The following DOCK1 variants were observed in gnomAD, a reference collection of about 807,000 sequenced individuals.
The protein encoded by DOCK1 is dedicator of cytokinesis 1.
In DOCK1, 138 loss-of-function variants were observed where a neutral mutation model predicts 262.7. That is an observed-to-expected ratio of 0.53 (90% CI 0.46 to 0.61). The LOEUF is 0.61. Among genes scored for constraint, DOCK1 ranks in the 20% least tolerant of loss-of-function variants. The pLI, the probability that DOCK1 is intolerant of heterozygous loss-of-function variation, is 0.00. For synonymous variants in DOCK1, 866 were observed against 867.4 expected (o/e 1.00, Z 0.03); for missense variants, 1,908 against 2,370.7 (o/e 0.80, Z 4.05).
chr10:127,436,739 G>A (rs566632440), intron 48 of DOCK1, among the ~76,000 whole-genome samples: 4 of 151,200 alleles, frequency 2.6e-5, no homozygotes, highest in Admixed American at 6.6e-5. Context: ...ACCATAACTC[G>A]GTTATATTAT....
chr10:127,005,113 G>T (rs937033760), intron 10 of DOCK1, among the ~76,000 whole-genome samples: 2 of 151,954 alleles, frequency 1.3e-5, no homozygotes, highest in Non-Finnish European at 2.9e-5. Flanking sequence ...AAAGTGGGTG[G>T]ATTGCTTGAG....
intron 1 of DOCK1, among the ~76,000 whole-genome samples, chr10:126,932,851 G>A (rs1455586611): frequency 6.6e-6 from 1 of 152,108 alleles, no homozygotes; most frequent in Non-Finnish European, 1.5e-5. Context: ...CCTCACCGCA[G>A]GTGCCCAGAG....
Position 126,996,871 on chromosome 10 carries a change from A to G in DOCK1, c.597A>G (p.Leu199=), listed in dbSNP as rs191930274. The G allele has an allele frequency of 1.3e-6, 2 of 1,597,062 alleles. No individual in the cohort carries two copies. The highest frequency in any genetic ancestry group is 4.6e-5 in the East Asian group (2 of 43,772). The change falls in exon 7 of 52, where the codon TTA becomes TTG. Residue 199 remains leucine, a synonymous_variant. Coordinates refer to ENST00000623213, the MANE Select transcript of DOCK1 (RefSeq NM_001290223.2). ...CTTCTAAACAAGTGGAGGAAAGGTTACAAGAGGAAAAAGTAAGTTTGACTC... is the reference window on the plus strand; with the variant it reads ...CTTCTAAACAAGTGGAGGAAAGGTTGCAAGAGGAAAAAGTAAGTTTGACTC... ...EIASKQVEER[L]QEEKSQKQNI... is the part of the protein sequence containing the mutation.
intron 10 of DOCK1, among the ~76,000 whole-genome samples, chr10:127,002,567 C>T (rs1480500456): frequency 1.3e-5 from 2 of 152,106 alleles, no homozygotes; most frequent in African/African-American, 4.8e-5. Flanking sequence ...TTGGTGGGGT[C>T]TAGAGTTAGG....
intron 44 of DOCK1, among the ~76,000 whole-genome samples, chr10:127,417,623 C>G (rs1245673897): frequency 2.0e-5 from 3 of 152,164 alleles, no homozygotes; most frequent in Non-Finnish European, 2.9e-5. Flanking sequence ...GTTGCCCAGC[C>G]TGAATACAGT....
In DOCK1 at chr10:127,175,782, C is replaced by G; in HGVS notation, c.2847+48018C>G. ...AGTGGAGTTTTGGAGCGCAGCTTCTCCATAGCTGAGCGGCTCCGGGCTTTT... is the reference window on the plus strand; with the variant it reads ...AGTGGAGTTTTGGAGCGCAGCTTCTGCATAGCTGAGCGGCTCCGGGCTTTT... On this transcript the variant is annotated intron_variant, in intron 27 of 51. Transcript: ENST00000623213. This position sits in a 1 kb window ranked among gnomAD's most constrained non-coding sequence, Gnocchi z 6.3. 1 of 1,614,100 alleles carries G rather than the reference C, an allele frequency of 6.2e-7. No homozygotes were observed. Among genetic ancestry groups the G allele is most frequent in the Non-Finnish European group, 8.5e-7 (1 of 1,180,014 alleles).
intron 27 of DOCK1, chr10:127,135,617 C>A (rs2050624184): frequency 6.6e-6 from 1 of 152,620 alleles, no homozygotes; most frequent in South Asian, 2.1e-4. Context: ...TGACGTGTTG[C>A]AATTAAACTA....
rs1283903934 is a variant in DOCK1 at position 127,398,691 on chromosome 10, G to T, written c.3928-4364G>T. Among the ~76,000 whole-genome samples the T allele has an allele frequency of 2.6e-5, 4 of 152,328 alleles. No individual in the cohort carries two copies. The East Asian group carries it at 7.7e-4, about 29-fold the overall frequency. On this transcript the variant is annotated intron_variant, in intron 38 of 51. Coordinates refer to ENST00000623213, the MANE Select transcript of DOCK1 (RefSeq NM_001290223.2). ...GTCTGAAATTCAAGCATCCTGTGAG[G>T]TATCTCCACTGGTGAGTTACTTACA...
At chr10:127,036,182 C>T (rs2043601179) in intron 18 of DOCK1, among the ~76,000 whole-genome samples, 1 of 152,202 alleles carries the variant, frequency 6.6e-6, no homozygotes. Flanking sequence ...AATCAGGCAA[C>T]ACTGTACCCA....
At chr10:127,059,965 C>T (rs1476833693) in intron 22 of DOCK1, among the ~76,000 whole-genome samples, 1 of 152,136 alleles carries the variant, frequency 6.6e-6, no homozygotes, top group East Asian at 1.9e-4. Context: ...GGCTGACCAT[C>T]TTATTTTAAT....
intron 27 of DOCK1, among the ~76,000 whole-genome samples, chr10:127,168,969 AG>A (rs2054322052): frequency 6.6e-6 from 1 of 152,212 alleles, no homozygotes; most frequent in Non-Finnish European, 1.5e-5. Flanking sequence ...ATCCCCTGAC[AG>A]GTCTCTCTGA....
In DOCK1 at chr10:127,322,187, CTTTTTT is replaced by C. The variant is rs201505491; in HGVS notation, c.3045-16808_3045-16803del. ...GCACACACATAATTTTATAATTTCC[CTTTTTT>C]TTTTTTTTTTCCTGGAGACAGAGTC... On this transcript the variant is annotated intron_variant, in intron 29 of 51. Transcript: ENST00000623213. Among the ~76,000 whole-genome samples the C allele has an allele frequency of 8.0e-3, 1,164 of 146,160 alleles. 18 individuals are homozygous for C. The highest frequency in any genetic ancestry group is 0.027 in the African/African-American group (1,096 of 40,272).
At chr10:127,380,622 G>A (rs1039705942) in intron 36 of DOCK1, among the ~76,000 whole-genome samples, 6 of 151,928 alleles carry the variant, frequency 3.9e-5, no homozygotes, top group Admixed American at 6.6e-5. Context: ...TTCCCTACTC[G>A]CCTTGCTCCC....
At chr10:126,976,905 T>C (rs531016591) in intron 2 of DOCK1, among the ~76,000 whole-genome samples, 1 of 152,310 alleles carries the variant, frequency 6.6e-6, no homozygotes, top group African/African-American at 2.4e-5. Context: ...GGCTAATTTT[T>C]GTATTTTTTA....
intron 44 of DOCK1, among the ~76,000 whole-genome samples, chr10:127,418,012 C>T (rs1385231318): frequency 6.6e-6 from 1 of 152,146 alleles, no homozygotes; most frequent in East Asian, 1.9e-4. Flanking sequence ...TCTTCTCCCT[C>T]AGCACAACAA....
chr10:127,338,070 A>G (rs1565003510), intron 29 of DOCK1, among the ~76,000 whole-genome samples: 1 of 152,232 alleles, frequency 6.6e-6, no homozygotes, highest in Non-Finnish European at 1.5e-5. Flanking sequence ...AGAGGACAGC[A>G]GTTACTAGTA....
Position 127,277,033 on chromosome 10 carries a change from T to A in DOCK1, c.3044+19604T>A, listed in dbSNP as rs116503275. Among the ~76,000 whole-genome samples the A allele has an allele frequency of 3.2e-3, 490 of 152,240 alleles. 1 individual carries two copies. Among genetic ancestry groups the A allele is most frequent in the Middle Eastern group, 0.01 (3 of 294 alleles). ...CTCTCTGGTCCAGCTGGAAATGTGA[T>A]TGCTGCCTGGGGTGGCCATGACTAA... is the stretch of plus-strand genomic sequence containing the variant. On this transcript the variant is annotated intron_variant, in intron 29 of 51. Coordinates refer to ENST00000623213, the MANE Select transcript of DOCK1 (RefSeq NM_001290223.2).
At chr10:127,390,170 A>T (rs1461727536) in intron 38 of DOCK1, among the ~76,000 whole-genome samples, 1 of 152,016 alleles carries the variant, frequency 6.6e-6, no homozygotes, top group Non-Finnish European at 1.5e-5. Flanking sequence ...AGCTGATTAA[A>T]CCTCTTTTCT....
At chr10:127,053,352 T>G (rs1016856970) in intron 22 of DOCK1, among the ~76,000 whole-genome samples, 4 of 152,118 alleles carry the variant, frequency 2.6e-5, no homozygotes, top group Admixed American at 2.6e-4. Context: ...AAAAACAAAA[T>G]AAATAAATAA....
Sources: gnomAD v4.1 joint callset for allele counts (sites outside exome capture counted in the v4.1 genomes callset) on GRCh38, gnomAD v4.1.1 for gene constraint, Gnocchi (gnomAD v3.1) non-coding constraint, MANE v1.5 for transcripts, NCBI Gene and HGNC (gene_info 2026-07-23, HGNC 2026-07-21) for gene names.